Variants in ACTN1 observed in about 807,000 individuals in gnomAD.
ACTN1 encodes alpha-actinin-1.
A neutral mutation model predicts 119.6 loss-of-function variants in ACTN1; 30 were observed. The observed-to-expected ratio is 0.25, with a 90% CI of 0.19 to 0.34. The LOEUF (loss-of-function observed/expected upper bound fraction) is 0.34. ACTN1 is among the 10% of genes least tolerant of loss of function. The pLI, the probability that ACTN1 is intolerant of heterozygous loss-of-function variation, is 1.00. For missense variants in ACTN1, 764 were observed against 1,223.4 expected, an observed-to-expected ratio of 0.62 and a Z score of 5.60; for synonymous variants, 429 against 472.6, an observed-to-expected ratio of 0.91 and a Z score of 1.20.
intron 1 of ACTN1, among the ~76,000 whole-genome samples, chr14:68,930,041 C>T (rs1193763111): frequency 6.6e-6 from 1 of 152,238 alleles, no homozygotes; most frequent in Non-Finnish European, 1.5e-5. Flanking sequence ...ACAGACTCCG[C>T]TAACCTCTTT....
chr14:68,884,520 C>A (rs1432654007), intron 13 of ACTN1, among the ~76,000 whole-genome samples: 1 of 152,212 alleles, frequency 6.6e-6, no homozygotes, highest in Admixed American at 6.5e-5. Flanking sequence ...GGAGGGTTCT[C>A]AAATGGCTGG....
intron 1 of ACTN1, among the ~76,000 whole-genome samples, chr14:68,957,456 C>T (rs2036385916): frequency 6.6e-6 from 1 of 152,232 alleles, no homozygotes; most frequent in East Asian, 1.9e-4. Flanking sequence ...CTGCTGTGTG[C>T]ACAGTGCCCA....
At chr14:68,932,131 G>T (rs1158250309) in intron 1 of ACTN1, among the ~76,000 whole-genome samples, 1 of 151,894 alleles carries the variant, frequency 6.6e-6, no homozygotes, top group Admixed American at 6.6e-5. Flanking sequence ...TGTCTGTGAG[G>T]GTGTTGCCAA....
Position 68,979,101 on chromosome 14 carries a change from T to C in ACTN1, c.-45A>G. 1.6e-6 allele frequency: 2 copies of C among 1,249,848 alleles called. No individual in the cohort carries two copies. Among genetic ancestry groups the C allele is most frequent in the Non-Finnish European group, 2.2e-6 (2 of 902,844 alleles). The allele number at this position is 1,249,848 out of a possible 1,614,324, so 77.4% of individuals were successfully genotyped here. On this transcript the variant is annotated 5_prime_UTR_variant, in exon 1 of 22. Coordinates refer to ENST00000394419, the MANE Select transcript of ACTN1 (RefSeq NM_001130004.2). Reference sequence around the variant, plus strand: ...GGTCTGGATTTCTTCCTCCACCTTCTCTCTGAGCAACGGCTGCTGCCCTGG... The same window carrying C: ...GGTCTGGATTTCTTCCTCCACCTTCCCTCTGAGCAACGGCTGCTGCCCTGG...
chr14:68,917,365 G>A (rs2034358049), intron 3 of ACTN1, among the ~76,000 whole-genome samples: 1 of 152,074 alleles, frequency 6.6e-6, no homozygotes, highest in Non-Finnish European at 1.5e-5. Context: ...TCTGCCCTTC[G>A]GAGTCAGCCA....
intron 14 of ACTN1, among the ~76,000 whole-genome samples, chr14:68,883,886 G>A (rs138802110): frequency 1.3e-5 from 2 of 152,230 alleles, no homozygotes; most frequent in African/African-American, 4.8e-5. Flanking sequence ...ACATTTGCTT[G>A]TGTGCAGAGA....
Position 68,882,703 on chromosome 14 carries a change from G to A in ACTN1, c.1819-111C>T, listed in dbSNP as rs1206892158. The A allele has an allele frequency of 2.8e-5, 43 of 1,538,904 alleles. No individual in the cohort carries two copies. The highest frequency in any genetic ancestry group is 3.6e-5 in the Non-Finnish European group (41 of 1,131,110). ...GAAGGGCCGGTCAGTAACAGAACAG[G>A]AGTAAAGGTGTCAACCTGTTCTGGA... On this transcript the variant is annotated intron_variant, in intron 15 of 21. Coordinates refer to ENST00000394419, the MANE Select transcript of ACTN1 (RefSeq NM_001130004.2). The surrounding 1 kb of genome is among the most constrained non-coding windows in gnomAD (Gnocchi z 4.5).
At chr14:68,947,072 G>A (rs750078158) in intron 1 of ACTN1, among the ~76,000 whole-genome samples, 5 of 152,194 alleles carry the variant, frequency 3.3e-5, no homozygotes, top group Non-Finnish European at 4.4e-5. Flanking sequence ...TGAGGGAAAC[G>A]GCATTTCCCA....
chr14:68,958,751 A>C (rs2140588277), intron 1 of ACTN1, among the ~76,000 whole-genome samples: 1 of 152,354 alleles, frequency 6.6e-6, no homozygotes, highest in South Asian at 2.1e-4. Context: ...AAGAATTATT[A>C]GCAGAGGACA....
chr14:68,884,168 C>A lies in ACTN1; in HGVS notation c.1635G>T (p.Gln545His). ...TCCGGGGAGTGGAGGTGGGGCTCAC[C>A]TGGATCTCCTCAATGGTGTGCACAA... Reference protein sequence around the residue: ...TFIVHTIEEIQGLTTAHEQFK... With the variant: ...TFIVHTIEEIHGLTTAHEQFK... The change falls in exon 14 of 22, where the codon CAG (glutamine) becomes CAT (histidine). Residue 545 changes from glutamine to histidine, a missense_variant and splice_region_variant. This residue lies in a region of ACTN1 where 544 missense variants were observed against 912.0 expected (regional missense o/e 0.60). Transcript: ENST00000394419. 1 of 1,611,020 alleles carries A rather than the reference C, an allele frequency of 6.2e-7. No homozygotes were observed. The highest frequency in any genetic ancestry group is 8.5e-7 in the Non-Finnish European group (1 of 1,178,042).
chr14:68,904,216 C>A (rs570050486), intron 7 of ACTN1, among the ~76,000 whole-genome samples: 1 of 152,174 alleles, frequency 6.6e-6, no homozygotes, highest in African/African-American at 2.4e-5. Context: ...GCCCAGCCAG[C>A]CCCAGTCAGA....
rs151232813 is a variant in ACTN1, at chr14:68,930,924, G to A, written c.106-5252C>T. On this transcript the variant is annotated intron_variant, in intron 1 of 21. Transcript: ENST00000394419. ...AAAGAATGTTAGAGCTAGAAGAGGTGTTAGGCACCATCCAAGTCAAACCTT... is the reference window on the plus strand; with the variant it reads ...AAAGAATGTTAGAGCTAGAAGAGGTATTAGGCACCATCCAAGTCAAACCTT... Among the ~76,000 whole-genome samples, 134 of 152,350 alleles carry A rather than the reference G, an allele frequency of 8.8e-4. 1 individual carries two copies. Among genetic ancestry groups the A allele is most frequent in the Middle Eastern group, 3.4e-3 (1 of 294 alleles).
At chr14:68,961,747 G>A (rs971489367) in intron 1 of ACTN1, among the ~76,000 whole-genome samples, 2 of 152,188 alleles carry the variant, frequency 1.3e-5, no homozygotes, top group African/African-American at 2.4e-5. Flanking sequence ...TCTGGGGAGG[G>A]GCACAGAAGG....
intron 7 of ACTN1, 57 bp downstream of exon 7, chr14:68,904,598 G>T (rs2033551651): frequency 6.5e-7 from 1 of 1,541,076 alleles, no homozygotes; most frequent in Admixed American, 1.7e-5. Flanking sequence ...CCCCTTCTTA[G>T]CCGCTGAGTG....
chr14:68,919,250 G>A (rs142167438), intron 3 of ACTN1, among the ~76,000 whole-genome samples: 92 of 152,276 alleles, frequency 6.0e-4, no homozygotes, highest in African/African-American at 2.1e-3. Context: ...TCCACAAGGT[G>A]CCCATCCCGC....
intron 1 of ACTN1, among the ~76,000 whole-genome samples, chr14:68,939,692 G>A (rs2035699616): frequency 6.6e-6 from 1 of 152,174 alleles, no homozygotes; most frequent in African/African-American, 2.4e-5. Flanking sequence ...TGATAAAAAT[G>A]TTCAAAACTG....
chr14:68,918,975 C>T (rs2034491903), intron 3 of ACTN1, among the ~76,000 whole-genome samples: 1 of 152,184 alleles, frequency 6.6e-6, no homozygotes, highest in African/African-American at 2.4e-5. Context: ...ACCCATCCTA[C>T]GAGCCCATCA....
chr14:68,970,139 T>C (rs894590615), intron 1 of ACTN1, among the ~76,000 whole-genome samples: 2 of 151,742 alleles, frequency 1.3e-5, no homozygotes, highest in Non-Finnish European at 2.9e-5. Context: ...AGCCCCACGA[T>C]CACCCACCAC....
chr14:68,884,133 G>A, intron 14 of ACTN1, 35 bp downstream of exon 14: 4 of 1,593,022 alleles, frequency 2.5e-6, no homozygotes, highest in Non-Finnish European at 3.4e-6. Flanking sequence ...GGGCCCCAGG[G>A]GAGCCAGCCT....
Sources: allele counts gnomAD v4.1 joint callset (sites outside exome capture counted in the v4.1 genomes callset), GRCh38; gene constraint gnomAD v4.1.1; regional missense constraint gnomAD v4.1.1; non-coding constraint Gnocchi (gnomAD v3.1); transcripts MANE v1.5; gene names NCBI Gene and HGNC (gene_info 2026-07-23, HGNC 2026-07-21).